HERC1: variants seen among roughly 807,000 people sequenced by gnomAD.
HERC1 encodes the protein HECT and RLD domain containing E3 ubiquitin protein ligase family member 1.
In HERC1, 160 loss-of-function variants were observed where a neutral mutation model predicts 554.3. The ratio of observed to expected loss-of-function variants is 0.29; its 90% CI spans 0.25 to 0.33. The LOEUF is 0.33. Ranked by LOEUF, HERC1 falls within the 10% of genes least tolerant of loss-of-function variation. The pLI, the probability that HERC1 is intolerant of heterozygous loss-of-function variation, is 1.00. For missense variants in HERC1, 4,919 were observed against 5,918.5 expected, an observed-to-expected ratio of 0.83 and a Z score of 5.54; for synonymous variants, 2,175 against 2,131.7, an observed-to-expected ratio of 1.02 and a Z score of -0.56.
intron 74 of HERC1, among the ~76,000 whole-genome samples, chr15:63,622,053 T>G (rs1254631777): frequency 6.6e-6 from 1 of 152,202 alleles, no homozygotes; most frequent in African/African-American, 2.4e-5. Context: ...AATCATTCTG[T>G]TTTTAATTTA....
intron 1 of HERC1, among the ~76,000 whole-genome samples, chr15:63,794,037 C>CT (rs555679740): frequency 5.6e-4 from 85 of 152,234 alleles, no homozygotes; most frequent in African/African-American, 1.3e-3. Context: ...GTCCTCACTG[C>CT]TACACTCCCA....
At position 63,640,318 on chromosome 15, in the gene HERC1, C is replaced by T. The variant is rs1217398949; in HGVS notation, c.11735G>A (p.Cys3912Tyr). Residue 3912 changes from cysteine (C) to tyrosine (Y), a missense_variant, in exon 61 of 78, where the codon TGT (cysteine) becomes TAT (tyrosine). Coordinates refer to ENST00000443617, the MANE Select transcript of HERC1 (RefSeq NM_003922.4). ...NPPVPPHHQN[C>Y]LPDPASWNPN... is the part of the protein sequence containing the mutation. The stretch of plus-strand genomic sequence containing the variant: ...ATTCCAGGATGCAGGGTCAGGGAGA[C>T]AGTTCTGGTGGTGTGGTGGCACTGG... 1 of 1,613,758 alleles carries T rather than the reference C, an allele frequency of 6.2e-7. No individual in the cohort carries two copies. Among genetic ancestry groups the T allele is most frequent in the Non-Finnish European group, 8.5e-7 (1 of 1,179,820 alleles).
At chr15:63,651,094 C>G (rs73441952) in intron 53 of HERC1, among the ~76,000 whole-genome samples, 159 bp downstream of exon 53, 1 of 152,226 alleles carries the variant, frequency 6.6e-6, no homozygotes, top group Non-Finnish European at 1.5e-5. Context: ...CACTTCCTCT[C>G]TAATTTGAAG....
At chr15:63,713,018 G>A (rs771013975) in intron 23 of HERC1, 123 bp from the exon 24 acceptor site, 7 of 956,880 alleles carry the variant, frequency 7.3e-6, no homozygotes, top group Non-Finnish European at 1.1e-5. Flanking sequence ...CAGTTGACAG[G>A]AAATCCTGAC....
At chr15:63,660,939 C>T (rs1487002600) in intron 46 of HERC1, 34 bp downstream of exon 46, 3 of 1,308,868 alleles carry the variant, frequency 2.3e-6, no homozygotes, top group Non-Finnish European at 3.3e-6. Context: ...TATAAAAAAA[C>T]ATGTAAAATA....
intron 55 of HERC1, among the ~76,000 whole-genome samples, chr15:63,646,587 G>A (rs916462737): frequency 3.3e-5 from 5 of 151,310 alleles, no homozygotes; most frequent in African/African-American, 1.2e-4. Context: ...GGATCATGAA[G>A]TCAGGAATTC....
intron 74 of HERC1, among the ~76,000 whole-genome samples, chr15:63,618,257 T>C (rs974270178): frequency 3.9e-5 from 6 of 152,198 alleles, no homozygotes; most frequent in African/African-American, 1.4e-4. Context: ...ATTTATTAAA[T>C]AGGGAATCCT....
rs541704971 is a variant in HERC1 at position 63,749,946 on chromosome 15, C to T, written c.1903-155G>A. On this transcript the variant is annotated intron_variant, in intron 8 of 77. Coordinates refer to ENST00000443617, the MANE Select transcript of HERC1 (RefSeq NM_003922.4). The surrounding 1 kb of genome is among the most constrained non-coding windows in gnomAD (Gnocchi z 4.1). ...TTGATCATTTTAAAGATTGTTACAG[C>T]GATTTATCATGCTGCCTTTAGGCAT... 3.3e-5 allele frequency among the ~76,000 whole-genome samples: 5 copies of T among 152,316 alleles called. No individual in the cohort carries two copies. The East Asian group carries it at 7.7e-4, about 23-fold the overall frequency.
At chr15:63,820,976 G>C (rs7163449) in intron 1 of HERC1, among the ~76,000 whole-genome samples, 39,551 of 152,082 alleles carry the variant, frequency 0.26, 5,677 homozygotes, top group Middle Eastern at 0.38. Flanking sequence ...TTCAAGTTTT[G>C]TTTTCACATA....
chr15:63,717,565 T>C (rs766961159), intron 21 of HERC1, among the ~76,000 whole-genome samples: 1 of 152,176 alleles, frequency 6.6e-6, no homozygotes, highest in African/African-American at 2.4e-5. Context: ...TCTTAATAAG[T>C]AGTTTCGGCC....
intron 12 of HERC1, among the ~76,000 whole-genome samples, chr15:63,743,613 A>C (rs116041887): frequency 6.6e-6 from 1 of 152,330 alleles, no homozygotes; most frequent in African/African-American, 2.4e-5. Context: ...ATTCTGAGGC[A>C]TTCTTCAAAA....
At position 63,690,903 on chromosome 15, in the gene HERC1, C is replaced by G. The variant is rs541047791; in HGVS notation, c.5831-256G>C. On this transcript the variant is annotated intron_variant, in intron 31 of 77. Coordinates refer to ENST00000443617, the MANE Select transcript of HERC1 (RefSeq NM_003922.4). Reference sequence around the variant, plus strand: ...AAAAGTATCTGTGCCAGATACTATGCTATGCTACACATTTCACACACATAC... The same window carrying G: ...AAAAGTATCTGTGCCAGATACTATGGTATGCTACACATTTCACACACATAC... Among the ~76,000 whole-genome samples the G allele has an allele frequency of 1.2e-3, 184 of 152,286 alleles. 1 individual carries two copies. Among genetic ancestry groups the G allele is most frequent in the African/African-American group, 4.4e-3 (181 of 41,544 alleles).
At chr15:63,740,578 A>G (rs1404847792) in intron 12 of HERC1, among the ~76,000 whole-genome samples, 1 of 152,090 alleles carries the variant, frequency 6.6e-6, no homozygotes, top group Admixed American at 6.5e-5. Context: ...ACCTCCTCCA[A>G]TGTTTGCTAT....
chr15:63,793,691 G>A (rs149747079), intron 1 of HERC1, among the ~76,000 whole-genome samples: 4,667 of 152,194 alleles, frequency 0.031, 98 homozygotes, highest in African/African-American at 0.065. Context: ...GACTCGCCCT[G>A]AATTCTTTCT....
chr15:63,720,940 A>G (rs553175461), intron 19 of HERC1, among the ~76,000 whole-genome samples: 3 of 152,328 alleles, frequency 2.0e-5, no homozygotes, highest in Admixed American at 6.5e-5. Context: ...AACAACAAAG[A>G]ATGTTTCCAC....
intron 44 of HERC1, among the ~76,000 whole-genome samples, chr15:63,662,279 A>G (rs2070396207): frequency 6.6e-6 from 1 of 152,182 alleles, no homozygotes. Flanking sequence ...GAGTTAATGA[A>G]CATGACAATC....
intron 12 of HERC1, among the ~76,000 whole-genome samples, chr15:63,741,025 G>GTT (rs796687670): frequency 1.4e-5 from 2 of 146,570 alleles, no homozygotes. Flanking sequence ...CATCTATGTT[G>GTT]TTTTTTTTTT....
chr15:63,628,389 C>CAA (rs35041070), intron 70 of HERC1, among the ~76,000 whole-genome samples: 1 of 150,962 alleles, frequency 6.6e-6, no homozygotes, highest in African/African-American at 2.4e-5. Flanking sequence ...GACTCCATCT[C>CAA]AAAAAAAAAC....
chr15:63,777,676 C>A (rs2076154601), intron 1 of HERC1, among the ~76,000 whole-genome samples: 2 of 152,150 alleles, frequency 1.3e-5, no homozygotes, highest in African/African-American at 4.8e-5. Flanking sequence ...TCTTCTAAAT[C>A]TATCTTTTAC....
Sources: gnomAD v4.1 joint callset for allele counts (sites outside exome capture counted in the v4.1 genomes callset) on GRCh38, gnomAD v4.1.1 for gene constraint, Gnocchi (gnomAD v3.1) non-coding constraint, MANE v1.5 for transcripts, NCBI Gene and HGNC (gene_info 2026-07-23, HGNC 2026-07-21) for gene names.